The following PLSCR1 variants were observed in gnomAD, a reference collection of about 807,000 sequenced individuals.
The protein encoded by PLSCR1 is PL scramblase 1.
In PLSCR1, 17 loss-of-function variants were observed where a neutral mutation model predicts 37.8. That is an observed-to-expected ratio of 0.45 (90% CI 0.31 to 0.68). PLSCR1 has a LOEUF of 0.68. Ranked by LOEUF, PLSCR1 falls within the 30% of genes least tolerant of loss-of-function variation. PLSCR1 has a pLI of 0.06. For synonymous variants in PLSCR1, 116 were observed against 125.9 expected (o/e 0.92, Z 0.53); for missense variants, 347 against 380.9 (o/e 0.91, Z 0.74).
At chr3:146,530,696 AAG>A (rs113202031) in intron 3 of PLSCR1, among the ~76,000 whole-genome samples, 23,463 of 152,174 alleles carry the variant, frequency 0.15, 1,877 homozygotes, top group Admixed American at 0.21. Flanking sequence ...ACAGGCGTAA[AAG>A]AGAGAGGAAT....
At chr3:146,530,146 G>A (rs911796746) in intron 3 of PLSCR1, among the ~76,000 whole-genome samples, 4 of 152,146 alleles carry the variant, frequency 2.6e-5, no homozygotes, top group Admixed American at 1.3e-4. Flanking sequence ...CCATAGCAGT[G>A]GAATACAATT....
intron 1 of PLSCR1, among the ~76,000 whole-genome samples, chr3:146,539,750 C>T (rs1470380259): frequency 6.6e-6 from 1 of 152,130 alleles, no homozygotes; most frequent in African/African-American, 2.4e-5. Flanking sequence ...AGTATAAAAT[C>T]TGGGTCTTTG....
At chr3:146,525,216 C>T (rs2044090127) in intron 5 of PLSCR1, among the ~76,000 whole-genome samples, 1 of 152,174 alleles carries the variant, frequency 6.6e-6, no homozygotes, top group South Asian at 2.1e-4. Context: ...GATAATTTTC[C>T]CAAACTTCCT....
chr3:146,537,775 T>C (rs1324670986), intron 1 of PLSCR1, among the ~76,000 whole-genome samples: 1 of 151,918 alleles, frequency 6.6e-6, no homozygotes, highest in Non-Finnish European at 1.5e-5. Context: ...GAGGTTGAGG[T>C]GGGAGGATTG....
chr3:146,539,388 C>T (rs1014351888), intron 1 of PLSCR1, among the ~76,000 whole-genome samples: 1 of 152,198 alleles, frequency 6.6e-6, no homozygotes, highest in African/African-American at 2.4e-5. Flanking sequence ...TCCAGCTGCT[C>T]AGCTCCTGCT....
At chr3:146,523,080 G>T (rs938001914) in intron 5 of PLSCR1, among the ~76,000 whole-genome samples, 1 of 152,184 alleles carries the variant, frequency 6.6e-6, no homozygotes, top group Non-Finnish European at 1.5e-5. Context: ...TCAGAGGCCG[G>T]TGCTGGCGCG....
intron 5 of PLSCR1, among the ~76,000 whole-genome samples, chr3:146,522,797 A>T (rs1186910759): frequency 6.6e-6 from 1 of 152,226 alleles, no homozygotes; most frequent in African/African-American, 2.4e-5. Context: ...CTAGGTGTAA[A>T]GCCCAATTGT....
chr3:146,523,630 T>A (rs575047032), intron 5 of PLSCR1, among the ~76,000 whole-genome samples: 1 of 152,144 alleles, frequency 6.6e-6, no homozygotes, highest in Admixed American at 6.5e-5. Flanking sequence ...AAGTGGGAGG[T>A]GGGTATTAGA....
intron 1 of PLSCR1, among the ~76,000 whole-genome samples, chr3:146,537,792 C>A (rs1430973963): frequency 1.3e-5 from 2 of 152,172 alleles, no homozygotes; most frequent in East Asian, 1.9e-4. Context: ...ATTGCTTGAG[C>A]CTGGAATATT....
intron 5 of PLSCR1, among the ~76,000 whole-genome samples, chr3:146,523,288 AAG>A (rs1352946283): frequency 6.6e-6 from 1 of 151,842 alleles, no homozygotes; most frequent in Admixed American, 6.5e-5. Context: ...TGTCTGTCAG[AAG>A]AGAGACTTTT....
intron 1 of PLSCR1, 81 bp from the exon 2 acceptor site, chr3:146,536,646 A>C: frequency 1.2e-6 from 1 of 811,002 alleles, no homozygotes; most frequent in South Asian, 1.4e-5. Context: ...ATACTCTAAA[A>C]CTACACAGTC....
rs775750689 is a variant in PLSCR1, at chr3:146,536,525, A to C, written c.13+15T>G. 7.8e-7 allele frequency: 1 copy of C among 1,275,350 alleles called. No individual in the cohort carries two copies. The highest frequency in any genetic ancestry group is 1.1e-6 in the Non-Finnish European group (1 of 871,696). The allele number at this position is 1,275,350 out of a possible 1,614,324, so 79.0% of individuals were successfully genotyped here. A position where few individuals can be genotyped will look rare whatever the true frequency, so the allele number is the denominator to read the frequency against. Reference sequence around the variant, plus strand: ...TTATAAGGAGGAAAGTAAACATTTAAAATAAATTACTTACTTTGTTTGTCC... The same window carrying C: ...TTATAAGGAGGAAAGTAAACATTTACAATAAATTACTTACTTTGTTTGTCC... On this transcript the variant is annotated intron_variant, in intron 2 of 8. Transcript: ENST00000342435.
intron 4 of PLSCR1, 35 bp downstream of exon 4, chr3:146,528,579 T>C: frequency 6.6e-7 from 1 of 1,523,190 alleles, no homozygotes; most frequent in Non-Finnish European, 9.1e-7. Context: ...AGCACAGTTC[T>C]GTTTTTTATG....
chr3:146,533,436 A>G, intron 3 of PLSCR1, 34 bp downstream of exon 3: 2 of 1,239,710 alleles, frequency 1.6e-6, no homozygotes, highest in Non-Finnish European at 2.4e-6. Context: ...CTCTCAATTA[A>G]TTTTACTTTT....
intron 3 of PLSCR1, among the ~76,000 whole-genome samples, chr3:146,529,860 G>GTTAATCCTTTGCCTTATGTT (rs1296156262): frequency 6.6e-6 from 1 of 152,084 alleles, no homozygotes; most frequent in Non-Finnish European, 1.5e-5. Context: ...GCCTGCTTGG[G>GTTAATCCTTTGCCTTATGTT]TTAATCCTTT....
At chr3:146,532,132 C>T (rs2044207540) in intron 3 of PLSCR1, among the ~76,000 whole-genome samples, 1 of 152,106 alleles carries the variant, frequency 6.6e-6, no homozygotes, top group Non-Finnish European at 1.5e-5. Context: ...CAAAATCAAG[C>T]TGTAGAGCCA....
At chr3:146,533,579 T>A in intron 2 of PLSCR1, 29 bp from the exon 3 acceptor site, 1 of 1,279,500 alleles carries the variant, frequency 7.8e-7, no homozygotes, top group Non-Finnish European at 1.1e-6. Flanking sequence ...TAAATAGATG[T>A]CTGATTAAAT....
intron 1 of PLSCR1, among the ~76,000 whole-genome samples, chr3:146,538,795 A>G (rs914664975): frequency 6.6e-6 from 1 of 152,152 alleles, no homozygotes; most frequent in South Asian, 2.1e-4. Flanking sequence ...TATACATCTG[A>G]AATAGAAAAT....
intron 1 of PLSCR1, chr3:146,541,225 CTTTTATAGCA>C (rs1459568060): frequency 2.0e-5 from 3 of 152,050 alleles, no homozygotes; most frequent in African/African-American, 7.2e-5. Flanking sequence ...TTAGGATAGC[CTTTTATAGCA>C]TTTTATATTA....
Sources: allele counts gnomAD v4.1 joint callset (sites outside exome capture counted in the v4.1 genomes callset), GRCh38; gene constraint gnomAD v4.1.1; transcripts MANE v1.5; gene names NCBI Gene and HGNC (gene_info 2026-07-23, HGNC 2026-07-21).